PLEKHH2: variants seen among roughly 807,000 people sequenced by gnomAD.
The protein encoded by PLEKHH2 is pleckstrin homology domain-containing family H member 2.
A neutral mutation model predicts 187.9 loss-of-function variants in PLEKHH2; 129 were observed. The ratio of observed to expected loss-of-function variants is 0.69; its 90% confidence interval spans 0.59 to 0.79. The LOEUF (loss-of-function observed/expected upper bound fraction) is 0.79. Ranked by LOEUF, PLEKHH2 falls within the 30% of genes least tolerant of loss-of-function variation. PLEKHH2 has a pLI of 0.00. For missense variants in PLEKHH2, 2,076 were observed against 1,751.2 expected, an observed-to-expected ratio of 1.19 and a Z score of -3.31; for synonymous variants, 686 against 605.6, an observed-to-expected ratio of 1.13 and a Z score of -1.95.
At position 43,644,689 on chromosome 2, in the gene PLEKHH2, G is replaced by A; in HGVS notation, c.16G>A (p.Glu6Lys). The A allele has an allele frequency of 1.3e-6, 2 of 1,597,254 alleles. No individual in the cohort carries two copies. Among genetic ancestry groups the A allele is most frequent in the Non-Finnish European group, 1.7e-6 (2 of 1,170,730 alleles). Residue 6 changes from glutamate to lysine, a missense_variant, in exon 2 of 30, where the codon GAG becomes AAG. Transcript: ENST00000282406. MAELS[E>K]PEGPVDWKER... The stretch of plus-strand genomic sequence containing the variant: ...TTTTTAGAATATGGCAGAGCTTTCT[G>A]AGCCAGAGGGACCAGTAGATTGGAA...
At position 43,678,737 on chromosome 2, in the gene PLEKHH2, AGTGGAGGTGGAG is replaced by A. The variant is rs1029434928; in HGVS notation, c.124-99_124-88del. ...GAGGGAGACCGTGGGTAGAGGTGGAAGTGGAGGTGGAGGTGGAGGTGGAGGTGGAGGTGGAGG... is the reference window on the plus strand; with the variant it reads ...GAGGGAGACCGTGGGTAGAGGTGGAAGTGGAGGTGGAGGTGGAGGTGGAGG... On this transcript the variant is annotated intron_variant, in intron 2 of 29. Coordinates refer to ENST00000282406, the MANE Select transcript of PLEKHH2 (RefSeq NM_172069.4). 4.0e-4 allele frequency: 163 copies of A among 412,358 alleles called. 1 individual carries two copies. The highest frequency in any genetic ancestry group is 2.8e-3 in the Middle Eastern group (4 of 1,416). 25.5% of individuals were successfully genotyped at this position (412,358 alleles called of 1,614,324 possible). A position where few individuals can be genotyped will look rare whatever the true frequency, so the allele number is the denominator to read the frequency against.
intron 2 of PLEKHH2, among the ~76,000 whole-genome samples, chr2:43,660,406 T>A (rs1334955923): frequency 6.6e-6 from 1 of 151,908 alleles, no homozygotes; most frequent in African/African-American, 2.4e-5. Context: ...AGGAGTAGGG[T>A]TATAGGTCTA....
intron 20 of PLEKHH2, among the ~76,000 whole-genome samples, chr2:43,740,130 CT>C (rs1158461019): frequency 6.6e-6 from 1 of 152,060 alleles, no homozygotes; most frequent in Non-Finnish European, 1.5e-5. Context: ...CTCTATCCAA[CT>C]TTTTTAATAT....
intron 2 of PLEKHH2, among the ~76,000 whole-genome samples, chr2:43,646,675 C>G (rs1420311096): frequency 6.6e-6 from 1 of 152,066 alleles, no homozygotes; most frequent in Non-Finnish European, 1.5e-5. Context: ...CCAGTAATTT[C>G]TCTATAAGTA....
chr2:43,675,351 C>A, intron 2 of PLEKHH2: 2 of 1,518,212 alleles, frequency 1.3e-6, no homozygotes, highest in Non-Finnish European at 1.8e-6. Flanking sequence ...TCTTGGACAG[C>A]ACAGGTCTAT....
chr2:43,691,609 C>T (rs1668799769), intron 3 of PLEKHH2, among the ~76,000 whole-genome samples: 1 of 152,196 alleles, frequency 6.6e-6, no homozygotes, highest in Non-Finnish European at 1.5e-5. Flanking sequence ...CAGGGACCTG[C>T]CCCATCTGCC....
At chr2:43,669,762 G>A (rs567718398) in intron 2 of PLEKHH2, among the ~76,000 whole-genome samples, 5 of 152,000 alleles carry the variant, frequency 3.3e-5, no homozygotes, top group South Asian at 2.1e-4. Flanking sequence ...GCTAGAGTGC[G>A]GTGATGTGAT....
chr2:43,716,197 A>C (rs956140132), intron 15 of PLEKHH2, among the ~76,000 whole-genome samples: 1 of 152,142 alleles, frequency 6.6e-6, no homozygotes, highest in Admixed American at 6.6e-5. Flanking sequence ...TCACAAACTA[A>C]GGGGAAGGCC....
At chr2:43,763,617 G>C (rs767915791) in intron 28 of PLEKHH2, among the ~76,000 whole-genome samples, 1 of 148,322 alleles carries the variant, frequency 6.7e-6, no homozygotes, top group Non-Finnish European at 1.5e-5. Flanking sequence ...ATAGAAACTG[G>C]GTCTCCCTAT....
chr2:43,705,465 C>T (rs1669613814), intron 9 of PLEKHH2, among the ~76,000 whole-genome samples: 1 of 151,594 alleles, frequency 6.6e-6, no homozygotes, highest in South Asian at 2.1e-4. Flanking sequence ...ACTGTGTTGC[C>T]CAGACTGGTC....
chr2:43,704,081 C>A, intron 9 of PLEKHH2, 25 bp downstream of exon 9: 4 of 1,490,418 alleles, frequency 2.7e-6, no homozygotes, highest in Non-Finnish European at 3.7e-6. Flanking sequence ...ATGCTGCCAC[C>A]TGGATGAACC....
At chr2:43,652,903 G>A (rs571907378) in intron 2 of PLEKHH2, among the ~76,000 whole-genome samples, 1 of 152,214 alleles carries the variant, frequency 6.6e-6, no homozygotes, top group South Asian at 2.1e-4. Context: ...ATGACACAGG[G>A]AATATTCAGA....
intron 14 of PLEKHH2, chr2:43,711,199 C>T (rs955993539): frequency 8.1e-6 from 8 of 985,348 alleles, no homozygotes; most frequent in African/African-American, 1.7e-5. Context: ...GAAATGTCTT[C>T]AATAACCATT....
chr2:43,757,383 C>A, intron 26 of PLEKHH2, 119 bp downstream of exon 26: 4 of 727,836 alleles, frequency 5.5e-6, no homozygotes, highest in East Asian at 3.2e-5. Flanking sequence ...ATTTTTTTAA[C>A]ATGATTGAGC....
chr2:43,755,362 T>A (rs1473033351), intron 25 of PLEKHH2, among the ~76,000 whole-genome samples: 2 of 152,144 alleles, frequency 1.3e-5, no homozygotes, highest in Admixed American at 6.6e-5. Flanking sequence ...CTCTTAGGGA[T>A]GTTTTAGTCT....
At chr2:43,672,059 G>A (rs1287447384) in intron 2 of PLEKHH2, among the ~76,000 whole-genome samples, 1 of 152,144 alleles carries the variant, frequency 6.6e-6, no homozygotes, top group Non-Finnish European at 1.5e-5. Flanking sequence ...AGTTTCCTTT[G>A]TGGGAAAGTT....
chr2:43,763,583 C>T (rs58178983), intron 28 of PLEKHH2, among the ~76,000 whole-genome samples: 1 of 142,474 alleles, frequency 7.0e-6, no homozygotes, highest in African/African-American at 2.9e-5. Context: ...CCATGCCCGG[C>T]TAATTTTTTT....
intron 3 of PLEKHH2, among the ~76,000 whole-genome samples, chr2:43,691,853 T>G (rs930160454): frequency 6.6e-6 from 1 of 152,168 alleles, no homozygotes; most frequent in African/African-American, 2.4e-5. Flanking sequence ...GGCAGAGATT[T>G]GGGGGTCTAG....
chr2:43,710,143 A>G lies in PLEKHH2; in HGVS notation c.2103+17A>G. On this transcript the variant is annotated intron_variant, in intron 12 of 29. Coordinates refer to ENST00000282406, the MANE Select transcript of PLEKHH2 (RefSeq NM_172069.4). ...GGGAAAAATGTAAATATTGAATATG[A>G]TTTTTAAAAAGCAGTCAGTCAGATT... 8.1e-6 allele frequency: 13 copies of G among 1,610,276 alleles called. No homozygotes were observed. Among genetic ancestry groups the G allele is most frequent in the Non-Finnish European group, 1.1e-5 (13 of 1,178,692 alleles).
Sources: gnomAD v4.1 joint callset for allele counts (sites outside exome capture counted in the v4.1 genomes callset) on GRCh38, gnomAD v4.1.1 for gene constraint, MANE v1.5 for transcripts, NCBI Gene and HGNC (gene_info 2026-07-23, HGNC 2026-07-21) for gene names.